CDH4: variants seen among roughly 807,000 people sequenced by gnomAD.
The protein encoded by CDH4 is cadherin 4.
CDH4 carries 33 observed loss-of-function variants against 86.0 expected under a neutral mutation model. The observed-to-expected ratio is 0.38, with a 90% CI of 0.29 to 0.51. The LOEUF is 0.51. CDH4 is among the 20% of genes least tolerant of loss of function. The pLI is 0.86. For synonymous variants in CDH4, 555 were observed against 549.4 expected, an observed-to-expected ratio of 1.01 and a Z score of -0.14; for missense variants, 1,114 against 1,307.4, an observed-to-expected ratio of 0.85 and a Z score of 2.28.
At chr20:61,715,480 G>A (rs866507324) in intron 2 of CDH4, among the ~76,000 whole-genome samples, 8 of 152,114 alleles carry the variant, frequency 5.3e-5, no homozygotes, top group African/African-American at 1.4e-4. Flanking sequence ...GGTGACCAGA[G>A]AGCTGACTCT....
intron 2 of CDH4, among the ~76,000 whole-genome samples, chr20:61,331,716 A>ACCTACCCCAGACCCACCTCCTCCCCCGG (rs2084580721): frequency 8.3e-5 from 1 of 12,070 alleles, no homozygotes; most frequent in African/African-American, 3.2e-4. Context: ...TCCTGCCCCG[A>ACCTACCCCAGACCCACCTCCTCCCCCGG]CCACCTGACA....
At chr20:61,696,741 C>T (rs1212669651) in intron 2 of CDH4, among the ~76,000 whole-genome samples, 1 of 152,136 alleles carries the variant, frequency 6.6e-6, no homozygotes, top group Admixed American at 6.5e-5. Flanking sequence ...TGAATGGAGG[C>T]CCCCAAAACA....
At chr20:61,522,358 G>A (rs1340750826) in intron 2 of CDH4, among the ~76,000 whole-genome samples, 1 of 152,328 alleles carries the variant, frequency 6.6e-6, no homozygotes, top group East Asian at 1.9e-4. Flanking sequence ...AACCCCTCCA[G>A]CCACTGAAAA....
intron 3 of CDH4, among the ~76,000 whole-genome samples, chr20:61,769,239 T>C (rs925298686): frequency 2.6e-5 from 4 of 152,154 alleles, no homozygotes; most frequent in Admixed American, 2.0e-4. Context: ...GCAGAACATA[T>C]CAGGCGTGGT....
intron 4 of CDH4, among the ~76,000 whole-genome samples, chr20:61,843,747 C>T (rs934624726): frequency 1.2e-4 from 18 of 151,858 alleles, no homozygotes; most frequent in Admixed American, 1.0e-3. Context: ...TTTGGGGTTT[C>T]CGCTATGGCC....
chr20:61,706,449 C>G (rs2087831174), intron 2 of CDH4, among the ~76,000 whole-genome samples: 1 of 152,186 alleles, frequency 6.6e-6, no homozygotes, highest in Admixed American at 6.5e-5. Flanking sequence ...GGGGCACGGT[C>G]TTAACAAACA....
intron 3 of CDH4, among the ~76,000 whole-genome samples, 157 bp downstream of exon 3, chr20:61,743,946 C>T (rs957244875): frequency 1.3e-5 from 2 of 152,236 alleles, no homozygotes; most frequent in African/African-American, 2.4e-5. Context: ...CACCCCTGCC[C>T]TCTGCACTGA....
intron 2 of CDH4, among the ~76,000 whole-genome samples, chr20:61,725,414 C>G (rs1381805679): frequency 1.3e-5 from 2 of 152,158 alleles, no homozygotes; most frequent in Non-Finnish European, 2.9e-5. Flanking sequence ...GTTTCTTCCC[C>G]TGTGGCTTCG....
chr20:61,873,499 T>C (rs1489140660), intron 6 of CDH4, among the ~76,000 whole-genome samples: 1 of 152,260 alleles, frequency 6.6e-6, no homozygotes, highest in Non-Finnish European at 1.5e-5. Context: ...TCAGAGCAGA[T>C]GACCTCAAAG....
chr20:61,682,866 A>G (rs2087532604), intron 2 of CDH4, among the ~76,000 whole-genome samples: 1 of 151,428 alleles, frequency 6.6e-6, no homozygotes. Context: ...GGGGCAATCT[A>G]CCCGTAAGCA....
intron 2 of CDH4, among the ~76,000 whole-genome samples, chr20:61,451,122 G>GA (rs1555851647): frequency 2.0e-5 from 2 of 100,584 alleles, no homozygotes; most frequent in Non-Finnish European, 4.4e-5. Context: ...TCCCTCTCAC[G>GA]CCCCCCCCCT....
intron 2 of CDH4, among the ~76,000 whole-genome samples, chr20:61,554,800 A>G (rs1012027533): frequency 1.3e-5 from 2 of 152,270 alleles, no homozygotes; most frequent in Non-Finnish European, 2.9e-5. Flanking sequence ...TCACACGTGC[A>G]CATGTATGCA....
intron 2 of CDH4, among the ~76,000 whole-genome samples, chr20:61,363,901 G>C (rs1323468610): frequency 6.6e-6 from 1 of 152,184 alleles, no homozygotes; most frequent in Non-Finnish European, 1.5e-5. Flanking sequence ...AGTAGAACCC[G>C]TACTATGATA....
chr20:61,411,788 G>A (rs1335264451), intron 2 of CDH4, among the ~76,000 whole-genome samples: 3 of 152,182 alleles, frequency 2.0e-5, no homozygotes, highest in Non-Finnish European at 2.9e-5. Flanking sequence ...ACTGTGGGCC[G>A]ATCAGAGTGG....
chr20:61,502,624 A>G (rs2085712032), intron 2 of CDH4, among the ~76,000 whole-genome samples: 1 of 152,108 alleles, frequency 6.6e-6, no homozygotes, highest in Non-Finnish European at 1.5e-5. Flanking sequence ...ATACTGCACA[A>G]TTTGTCAGTG....
At chr20:61,565,301 GTGCTCT>G (rs1206521400) in intron 2 of CDH4, among the ~76,000 whole-genome samples, 2 of 69,870 alleles carry the variant, frequency 2.9e-5, no homozygotes, top group Admixed American at 1.2e-4. Flanking sequence ...GGTGGTGGCG[GTGCTCT>G]TGGTGGTGGC....
chr20:61,308,273 C>A (rs1052879728), intron 2 of CDH4, among the ~76,000 whole-genome samples: 4 of 152,160 alleles, frequency 2.6e-5, no homozygotes, highest in Non-Finnish European at 5.9e-5. Flanking sequence ...CAGATGAGTT[C>A]TTTAATATTA....
intron 4 of CDH4, among the ~76,000 whole-genome samples, chr20:61,789,004 G>T (rs529919348): frequency 6.6e-6 from 1 of 152,324 alleles, no homozygotes; most frequent in South Asian, 2.1e-4. Context: ...AAGAGACTTT[G>T]TCCCCGGGGC....
intron 2 of CDH4, among the ~76,000 whole-genome samples, chr20:61,419,168 G>C (rs1222942396): frequency 6.6e-6 from 1 of 152,170 alleles, no homozygotes; most frequent in Non-Finnish European, 1.5e-5. Flanking sequence ...GGTTATGGGG[G>C]TGGGGCTCAC....
Sources: allele counts gnomAD v4.1 joint callset (sites outside exome capture counted in the v4.1 genomes callset), GRCh38; gene constraint gnomAD v4.1.1; transcripts MANE v1.5; gene names NCBI Gene and HGNC (gene_info 2026-07-23, HGNC 2026-07-21).